The following CHRNA2 variants were observed in gnomAD, a reference collection of about 807,000 sequenced individuals.
CHRNA2 encodes cholinergic receptor nicotinic alpha 2 subunit, also known as neuronal acetylcholine receptor subunit alpha-2.
In CHRNA2, 40 loss-of-function variants were observed where a neutral mutation model predicts 45.5. The ratio of observed to expected loss-of-function variants is 0.88; its 90% CI spans 0.68 to 1.15. CHRNA2 has a LOEUF of 1.15. CHRNA2 is among the 50% of genes most tolerant of loss of function. CHRNA2 has a pLI of 0.00. For synonymous variants in CHRNA2, 301 were observed against 296.7 expected, an observed-to-expected ratio of 1.01 and a Z score of -0.15; for missense variants, 655 against 701.7, an observed-to-expected ratio of 0.93 and a Z score of 0.75.
chr8:27,473,616 AG>A (rs1812968814), intron 1 of CHRNA2, among the ~76,000 whole-genome samples: 1 of 147,110 alleles, frequency 6.8e-6, no homozygotes, highest in Non-Finnish European at 1.5e-5. Context: ...CCAAGAAGGG[AG>A]GGTCGTGTGA....
chr8:27,473,617 G>A (rs1812968718), intron 1 of CHRNA2, among the ~76,000 whole-genome samples: 1 of 151,502 alleles, frequency 6.6e-6, no homozygotes, highest in South Asian at 2.1e-4. Context: ...CAAGAAGGGA[G>A]GGTCGTGTGA....
chr8:27,471,906 C>A (rs1199571225), intron 1 of CHRNA2, among the ~76,000 whole-genome samples: 4 of 152,226 alleles, frequency 2.6e-5, no homozygotes, highest in African/African-American at 9.6e-5. Flanking sequence ...CAAAGGCAGG[C>A]TTTAAAGGGT....
At position 27,467,318 on chromosome 8, in the gene CHRNA2, C is replaced by T. The variant is rs1586395599; in HGVS notation, c.360G>A (p.Leu120=). The change falls in exon 5 of 7, where the codon CTG becomes CTA. Residue 120 remains leucine, a synonymous_variant. Transcript: ENST00000407991. ...WLKQEWSDYK[L]RWNPTDFGNI... ...TGCCAAAATCAGTGGGGTTCCAGCG[C>T]AGTTTGTAGTCGCTCCACTCCTGTG... 1 of 1,613,580 alleles carries T rather than the reference C, an allele frequency of 6.2e-7. No individual in the cohort carries two copies. The highest frequency in any genetic ancestry group is 8.5e-7 in the Non-Finnish European group (1 of 1,179,512).
chr8:27,471,804 A>C (rs1311950860), intron 1 of CHRNA2, among the ~76,000 whole-genome samples: 1 of 152,220 alleles, frequency 6.6e-6, no homozygotes, highest in African/African-American at 2.4e-5. Context: ...ACAACTCCTA[A>C]GATACTGGGA....
intron 5 of CHRNA2, among the ~76,000 whole-genome samples, chr8:27,464,331 T>A (rs1406175624): frequency 6.6e-6 from 1 of 152,224 alleles, no homozygotes; most frequent in Non-Finnish European, 1.5e-5. Context: ...TATCAGTATA[T>A]GACAATCATA....
Position 27,467,462 on chromosome 8 carries a change from A to C in CHRNA2, c.340-124T>G. The C allele has an allele frequency of 9.7e-6, 7 of 722,918 alleles. No individual in the cohort carries two copies. In the South Asian group the frequency reaches 1.1e-4, roughly 12 times the overall value. 44.8% of individuals were successfully genotyped at this position (722,918 alleles called of 1,614,324 possible). A position where few individuals can be genotyped will look rare whatever the true frequency, so the allele number is the denominator to read the frequency against. On this transcript the variant is annotated intron_variant, in intron 4 of 6. Transcript: ENST00000407991. ...CCCCTTGGAGCAGCCAGGGCTCCCC[A>C]CCCAGCCCAGAATAGTGGAGGGAGC... is the stretch of plus-strand genomic sequence containing the variant.
chr8:27,464,035 C>T lies in CHRNA2; in HGVS notation c.450-42G>A, dbSNP rs1418921176. On this transcript the variant is annotated intron_variant, in intron 5 of 6. Coordinates refer to ENST00000407991, the MANE Select transcript of CHRNA2 (RefSeq NM_000742.4). ...AGCTGGGGAGACCCCTGCACACCCA[C>T]CTGCCTGAGCCAGGCTACTCAGAGA... 2.9e-5 allele frequency: 47 copies of T among 1,609,012 alleles called. No individual in the cohort carries two copies. The East Asian group carries it at 9.8e-4, about 34-fold the overall frequency.
At chr8:27,468,664 C>T (rs1271266475) in intron 4 of CHRNA2, among the ~76,000 whole-genome samples, 2 of 152,216 alleles carry the variant, frequency 1.3e-5, no homozygotes, top group Non-Finnish European at 2.9e-5. Flanking sequence ...AACCTTCCAG[C>T]ACCTTCCAGA....
rs532212433 is a variant in CHRNA2 at position 27,469,795 on chromosome 8, C to A, written c.260G>T (p.Arg87Leu). 6.2e-7 allele frequency: 1 copy of A among 1,614,188 alleles called. No homozygotes were observed. Among genetic ancestry groups the A allele is most frequent in the Non-Finnish European group, 8.5e-7 (1 of 1,180,036 alleles). ...GAGCTGAGCGATGGACAGTCCAAAGCGCACAATCACCACGTCTGAAGTGTT... is the reference window on the plus strand; with the variant it reads ...GAGCTGAGCGATGGACAGTCCAAAGAGCACAATCACCACGTCTGAAGTGTT... ...VPNTSDVVIV[R>L]FGLSIAQLID... The change falls in exon 3 of 7, where the codon CGC becomes CTC. Residue 87 changes from arginine (R) to leucine (L), a missense_variant. By Grantham distance (102) the Arg-to-Leu change is moderately radical. Transcript: ENST00000407991.
rs1586383608 is a variant in CHRNA2, at chr8:27,460,040, C to T, written c.*1589G>A. ...CCTGGGCCAGGGCGTCACAGCCAGG[C>T]TGGTTTCCCCTGAGAGTGTCAGGGA... On this transcript the variant is annotated 3_prime_UTR_variant, in exon 7 of 7. Coordinates refer to ENST00000407991, the MANE Select transcript of CHRNA2 (RefSeq NM_000742.4). The T allele has an allele frequency of 6.6e-6, 1 of 152,556 alleles. No homozygotes were observed. The highest frequency in any genetic ancestry group is 2.1e-4 in the South Asian group (1 of 4,830). The allele number at this position is 152,556 out of a possible 1,614,324, so 9.5% of individuals were successfully genotyped here. A position where few individuals can be genotyped will look rare whatever the true frequency, so the allele number is the denominator to read the frequency against.
chr8:27,475,789 G>A (rs1813042492), intron 1 of CHRNA2, among the ~76,000 whole-genome samples: 1 of 152,214 alleles, frequency 6.6e-6, no homozygotes, highest in African/African-American at 2.4e-5. Flanking sequence ...TGAGGCCTAG[G>A]AAATGGGATC....
chr8:27,465,441 A>AT (rs560817859), intron 5 of CHRNA2, among the ~76,000 whole-genome samples: 23 of 151,250 alleles, frequency 1.5e-4, no homozygotes, highest in African/African-American at 3.9e-4. Flanking sequence ...GTTAAAAAAA[A>AT]TTTTTTTTTG....
At position 27,469,981 on chromosome 8, in the gene CHRNA2, C is replaced by T. The variant is rs1417798656; in HGVS notation, c.74G>A (p.Gly25Asp). 1.9e-6 allele frequency: 3 copies of T among 1,612,736 alleles called. No homozygotes were observed. The highest frequency in any genetic ancestry group is 2.2e-5 in the East Asian group (1 of 44,856). ...AGGTGGGCGCTTAGCTTCCTCTCCA[C>T]CTGCCATCAAATCAGAGCCACTCAG... ...SLWWLLLTPAGGEEAKRPPPR... is the reference protein window; with the variant it reads ...SLWWLLLTPADGEEAKRPPPR... The change falls in exon 3 of 7, where the codon GGT becomes GAT. Residue 25 changes from glycine to aspartate, a missense_variant and splice_region_variant. Physicochemically the swap from Gly to Asp is moderately conservative, Grantham distance 94. This residue lies in a region of CHRNA2 where 323 missense variants were observed against 354.4 expected (regional missense o/e 0.91). Coordinates refer to ENST00000407991, the MANE Select transcript of CHRNA2 (RefSeq NM_000742.4).
chr8:27,469,880 C>T lies in CHRNA2; in HGVS notation c.175G>A (p.Glu59Lys), dbSNP rs771956737. The change falls in exon 3 of 7, where the codon GAG becomes AAG. Residue 59 changes from glutamate (E) to lysine (K), a missense_variant. Coordinates refer to ENST00000407991, the MANE Select transcript of CHRNA2 (RefSeq NM_000742.4). ...AAGAGGTGTTTGAAGAGCCGGTCCTCAGTCTCGGTATGCGAGCCTCCCTGC... is the reference window on the plus strand; with the variant it reads ...AAGAGGTGTTTGAAGAGCCGGTCCTTAGTCTCGGTATGCGAGCCTCCCTGC... ...LPQGGSHTET[E>K]DRLFKHLFRG... 1 of 1,614,194 alleles carries T rather than the reference C, an allele frequency of 6.2e-7. No homozygotes were observed. The highest frequency in any genetic ancestry group is 8.5e-7 in the Non-Finnish European group (1 of 1,180,036).
intron 1 of CHRNA2, chr8:27,477,046 T>TA (rs1175431991): frequency 4.0e-5 from 6 of 150,358 alleles, no homozygotes; most frequent in Admixed American, 4.0e-4. Context: ...GCCATATAGA[T>TA]AAAAAGTGAT....
At chr8:27,464,828 G>C (rs889953329) in intron 5 of CHRNA2, among the ~76,000 whole-genome samples, 1 of 152,120 alleles carries the variant, frequency 6.6e-6, no homozygotes, top group Non-Finnish European at 1.5e-5. Context: ...CTGTACCAGA[G>C]CTGTGCAGAA....
Position 27,461,513 on chromosome 8 carries a change from G to T in CHRNA2, c.*116C>A. The T allele has an allele frequency of 7.0e-7, 1 of 1,431,442 alleles. No individual in the cohort carries two copies. The highest frequency in any genetic ancestry group is 1.8e-5 in the Admixed American group (1 of 54,180). 88.7% of individuals were successfully genotyped at this position (1,431,442 alleles called of 1,614,324 possible). Reference sequence around the variant, plus strand: ...CCTGCAATCCCTGGGTCAGTGTCCAGACTCCGCGGAGAGGCACCTGCTCAT... The same window carrying T: ...CCTGCAATCCCTGGGTCAGTGTCCATACTCCGCGGAGAGGCACCTGCTCAT... On this transcript the variant is annotated 3_prime_UTR_variant, in exon 7 of 7. Coordinates refer to ENST00000407991, the MANE Select transcript of CHRNA2 (RefSeq NM_000742.4).
chr8:27,471,970 G>C (rs903243364), intron 1 of CHRNA2, among the ~76,000 whole-genome samples: 4 of 152,326 alleles, frequency 2.6e-5, no homozygotes, highest in African/African-American at 7.2e-5. Context: ...GGAGATAAAG[G>C]TTAAGTTGAT....
intron 4 of CHRNA2, chr8:27,467,608 C>T (rs1406017403): frequency 2.3e-6 from 1 of 443,334 alleles, no homozygotes; most frequent in Non-Finnish European, 4.1e-6. Context: ...CTCGCTCTGC[C>T]AATCCCTGGC....
Sources: allele counts gnomAD v4.1 joint callset (sites outside exome capture counted in the v4.1 genomes callset), GRCh38; gene constraint gnomAD v4.1.1; regional missense constraint gnomAD v4.1.1; transcripts MANE v1.5; gene names NCBI Gene and HGNC (gene_info 2026-07-23, HGNC 2026-07-21).